Variants in PCDH15 observed in about 807,000 individuals in gnomAD.
The protein encoded by PCDH15 is protocadherin-15.
Under a neutral mutation model 178.5 loss-of-function variants are expected in PCDH15, and 129 were observed. That is an observed-to-expected ratio of 0.72 (90% CI 0.63 to 0.84). The LOEUF is 0.84. Ranked by LOEUF, PCDH15 falls within the 40% of genes least tolerant of loss-of-function variation. PCDH15 has a pLI of 0.00. For synonymous variants in PCDH15, 800 were observed against 732.0 expected (o/e 1.09, Z -1.50); for missense variants, 2,230 against 2,099.9 (o/e 1.06, Z -1.21).
chr10:54,507,504 G>A (rs1267313080), intron 3 of PCDH15, among the ~76,000 whole-genome samples: 6 of 151,536 alleles, frequency 4.0e-5, no homozygotes, highest in African/African-American at 1.5e-4. Flanking sequence ...TATGGTATAT[G>A]GAAAGAAAAA....
chr10:53,886,978 G>GT (rs1245753911), intron 26 of PCDH15, among the ~76,000 whole-genome samples: 7 of 152,206 alleles, frequency 4.6e-5, no homozygotes, highest in African/African-American at 1.7e-4. Context: ...CTGTGCTTAC[G>GT]TTTTTGAAGG....
intron 1 of PCDH15, among the ~76,000 whole-genome samples, chr10:54,738,733 G>C (rs1307573167): frequency 1.3e-5 from 2 of 151,874 alleles, no homozygotes; most frequent in South Asian, 4.1e-4. Context: ...TCCCAGAGAC[G>C]CAAGTATAGT....
At chr10:54,690,171 A>G (rs532000233) in intron 1 of PCDH15, among the ~76,000 whole-genome samples, 26 of 152,234 alleles carry the variant, frequency 1.7e-4, no homozygotes, top group African/African-American at 6.0e-4. Flanking sequence ...CGCATTACTC[A>G]TGTGTTTGTG....
At chr10:54,291,363 G>C (rs1385276496) in intron 8 of PCDH15, among the ~76,000 whole-genome samples, 1 of 152,154 alleles carries the variant, frequency 6.6e-6, no homozygotes, top group Non-Finnish European at 1.5e-5. Context: ...GCCCACAAGA[G>C]AAAGCAGGAA....
At chr10:54,286,042 A>C (rs1480347381) in intron 8 of PCDH15, among the ~76,000 whole-genome samples, 1 of 152,208 alleles carries the variant, frequency 6.6e-6, no homozygotes, top group Non-Finnish European at 1.5e-5. Flanking sequence ...AGAGACTGAG[A>C]AGTAGAGTGA....
chr10:54,190,099 C>CA (rs2048854852), intron 11 of PCDH15, among the ~76,000 whole-genome samples: 1 of 152,114 alleles, frequency 6.6e-6, no homozygotes, highest in African/African-American at 2.4e-5. Flanking sequence ...TATCACAACT[C>CA]ACATTCCTGG....
chr10:54,075,280 G>A (rs530262753), intron 17 of PCDH15, among the ~76,000 whole-genome samples: 1 of 152,170 alleles, frequency 6.6e-6, no homozygotes, highest in African/African-American at 2.4e-5. Flanking sequence ...GGGAGGCTGA[G>A]GCAGGAGAAT....
intron 2 of PCDH15, among the ~76,000 whole-genome samples, chr10:55,151,423 T>C (rs547488028): frequency 5.3e-5 from 8 of 152,168 alleles, no homozygotes; most frequent in Admixed American, 2.6e-4. Context: ...GTTTTAAAAA[T>C]TGAGGCTCTC....
intron 3 of PCDH15, among the ~76,000 whole-genome samples, chr10:54,392,346 ATCCC>A (rs1300965975): frequency 5.3e-5 from 8 of 150,816 alleles, no homozygotes; most frequent in African/African-American, 2.0e-4. Context: ...GGCGCCTGTG[ATCCC>A]AGCTACTTGG....
intron 3 of PCDH15, among the ~76,000 whole-genome samples, chr10:54,890,898 A>T (rs1954449068): frequency 6.6e-6 from 1 of 152,090 alleles, no homozygotes; most frequent in Non-Finnish European, 1.5e-5. Flanking sequence ...GCTGTAATTC[A>T]GTCTTCAATA....
chr10:53,888,702 T>TATA (rs1554845542), intron 26 of PCDH15, among the ~76,000 whole-genome samples: 655 of 46,178 alleles, frequency 0.014, 130 homozygotes, highest in Admixed American at 0.028. Context: ...TATATATATA[T>TATA]ATCTCCTGTG....
intron 2 of PCDH15, among the ~76,000 whole-genome samples, chr10:55,134,700 G>A (rs1053546223): frequency 4.6e-5 from 7 of 152,180 alleles, no homozygotes; most frequent in Non-Finnish European, 5.9e-5. Flanking sequence ...TCATATTTAC[G>A]TTTTGTGAGA....
intron 2 of PCDH15, among the ~76,000 whole-genome samples, chr10:55,584,821 T>C (rs1842693404): frequency 6.6e-6 from 1 of 151,630 alleles, no homozygotes; most frequent in Non-Finnish European, 1.5e-5. Flanking sequence ...GATTTTAAAC[T>C]TGGTAAAATG....
Position 54,747,806 on chromosome 10 carries a change from A to ATTTTTTTTT in PCDH15, c.-29+53110_-29+53118dup, listed in dbSNP as rs10628733. ...AAAAATAAAATCACTCAATGGTTAC[A>ATTTTTTTTT]TTTTTTTTTTTTTTTTTGAGACGGA... is the stretch of plus-strand genomic sequence containing the variant. On this transcript the variant is annotated intron_variant, in intron 1 of 37. Coordinates refer to ENST00000644397, the MANE Select transcript of PCDH15 (RefSeq NM_001384140.1). Among the ~76,000 whole-genome samples the ATTTTTTTTT allele has an allele frequency of 1.6e-3, 211 of 135,546 alleles. 5 individuals carry two copies. Among genetic ancestry groups the ATTTTTTTTT allele is most frequent in the African/African-American group, 5.5e-3 (196 of 35,946 alleles). 88.9% of individuals were successfully genotyped at this position (135,546 alleles called of 152,430 possible).
At chr10:53,908,976 C>T (rs1221517652) in intron 25 of PCDH15, among the ~76,000 whole-genome samples, 1 of 152,082 alleles carries the variant, frequency 6.6e-6, no homozygotes, top group Non-Finnish European at 1.5e-5. Flanking sequence ...TTAAGCTTTA[C>T]GGGTATATTA....
intron 2 of PCDH15, among the ~76,000 whole-genome samples, chr10:54,528,193 G>C (rs1333507440): frequency 6.6e-6 from 1 of 151,880 alleles, no homozygotes; most frequent in Non-Finnish European, 1.5e-5. Context: ...AGAAATAACA[G>C]AAAGGGATGA....
rs149591276 is a variant in PCDH15, at chr10:55,446,417, A to G, written c.-156+181208T>C. Among the ~76,000 whole-genome samples, 307 of 152,180 alleles carry G rather than the reference A, an allele frequency of 2.0e-3. 4 individuals are homozygous for G. The highest frequency in any genetic ancestry group is 3.2e-3 in the Non-Finnish European group (220 of 67,988). ...TTCAGAGAATGAGGGTTCTAGAGAAATGTTTTTAAAATGATAGAAGAAAAT... is the reference window on the plus strand; with the variant it reads ...TTCAGAGAATGAGGGTTCTAGAGAAGTGTTTTTAAAATGATAGAAGAAAAT... On this transcript the variant is annotated intron_variant, in intron 2 of 5. Transcript: ENST00000613346.
intron 2 of PCDH15, among the ~76,000 whole-genome samples, chr10:54,639,697 G>A (rs2093948452): frequency 6.6e-6 from 1 of 152,054 alleles, no homozygotes. Flanking sequence ...CTGAGAGTCT[G>A]GTAACATATA....
chr10:53,907,403 A>G (rs1444987206), intron 25 of PCDH15, among the ~76,000 whole-genome samples: 14 of 152,196 alleles, frequency 9.2e-5, no homozygotes. Flanking sequence ...GTGCGTGCCT[A>G]ATATCCTAGT....
Sources: gnomAD v4.1 joint callset for allele counts (sites outside exome capture counted in the v4.1 genomes callset) on GRCh38, gnomAD v4.1.1 for gene constraint, MANE v1.5 for transcripts, NCBI Gene and HGNC (gene_info 2026-07-23, HGNC 2026-07-21) for gene names.